PSD4: variants seen among roughly 807,000 people sequenced by gnomAD.
The protein encoded by PSD4 is pleckstrin and Sec7 domain containing 4.
PSD4 carries 59 observed loss-of-function variants against 112.5 expected under a neutral mutation model. The observed-to-expected ratio is 0.52, with a 90% confidence interval of 0.43 to 0.65. The LOEUF (loss-of-function observed/expected upper bound fraction) is 0.65. Ranked by LOEUF, PSD4 falls within the 30% of genes least tolerant of loss-of-function variation. The pLI, the probability that PSD4 is intolerant of heterozygous loss-of-function variation, is 0.00. For missense variants in PSD4, 1,267 were observed against 1,352.6 expected (o/e 0.94, Z 0.99); for synonymous variants, 533 against 540.0 (o/e 0.99, Z 0.18).
chr2:113,185,050 G>T lies in PSD4; in HGVS notation c.1150G>T (p.Ala384Ser). 1.2e-6 allele frequency: 2 copies of T among 1,614,242 alleles called. No individual in the cohort carries two copies. The highest frequency in any genetic ancestry group is 1.7e-6 in the Non-Finnish European group (2 of 1,180,036). Residue 384 changes from alanine to serine, a missense_variant, in exon 3 of 17, where the codon GCT (alanine) becomes TCT (serine). Ala to Ser is a moderately conservative substitution (Grantham distance 99). Transcript: ENST00000245796. ...ATGTGTCGGATCTGATCTTGGCCCT[G>T]CTGCACATCCTGTGCAACCTTGGGC... Reference protein sequence around the residue: ...SGCVGSDLGPAAHPVQPWASL... With the variant: ...SGCVGSDLGPSAHPVQPWASL...
chr2:113,186,389 T>G, intron 5 of PSD4, 134 bp downstream of exon 5: 1 of 995,770 alleles, frequency 1.0e-6, no homozygotes, highest in African/African-American at 1.6e-5. Context: ...ATTATATGAG[T>G]GGGTACCAGG....
intron 9 of PSD4, 25 bp downstream of exon 9, chr2:113,193,675 T>C: frequency 6.2e-7 from 1 of 1,606,962 alleles, no homozygotes; most frequent in Non-Finnish European, 8.5e-7. Flanking sequence ...AGAGTCCCTG[T>C]GGGAACTGAG....
chr2:113,196,396 A>AT (rs71385890), intron 12 of PSD4, 89 bp downstream of exon 12: 702,616 of 1,475,182 alleles, frequency 0.48, 171,958 homozygotes, highest in East Asian at 0.64. Flanking sequence ...GTGTGCAGAG[A>AT]GACAGCCCGC....
chr2:113,175,458 A>C (rs1573343900), intron 1 of PSD4: 1 of 151,594 alleles, frequency 6.6e-6, no homozygotes, highest in Non-Finnish European at 1.5e-5. Context: ...GGTGCTTCAG[A>C]CCCCAGGTTC....
intron 11 of PSD4, 105 bp from the exon 12 acceptor site, chr2:113,196,042 T>C: frequency 3.5e-6 from 5 of 1,410,464 alleles, no homozygotes; most frequent in Non-Finnish European, 4.9e-6. Flanking sequence ...TCCTGGGGTG[T>C]GGCTTCCCAG....
intron 11 of PSD4, 39 bp downstream of exon 11, chr2:113,195,809 C>A: frequency 6.2e-7 from 1 of 1,613,138 alleles, no homozygotes; most frequent in South Asian, 1.1e-5. Context: ...TCTCACCCCT[C>A]TCCCCTGTCT....
chr2:113,193,585 G>GGGGTAGAT lies in PSD4; in HGVS notation c.2033-6_2034dup, dbSNP rs767909154. 1 of 1,612,246 alleles carries GGGGTAGAT rather than the reference G, an allele frequency of 6.2e-7. No individual in the cohort carries two copies. Among genetic ancestry groups the GGGGTAGAT allele is most frequent in the South Asian group, 1.1e-5 (1 of 91,032 alleles). ...GCTTTCTCTCCACTTACCTATCTCT[G>GGGGTAGAT]GGGTAGATTCTGTACACACCTTGAC... On this transcript the variant is annotated splice_region_variant and splice_polypyrimidine_tract_variant and intron_variant, in intron 8 of 16. Transcript: ENST00000245796.
At chr2:113,177,688 C>T (rs113964779) in intron 1 of PSD4, among the ~76,000 whole-genome samples, 6,243 of 133,708 alleles carry the variant, frequency 0.047, 429 homozygotes, top group African/African-American at 0.17. Flanking sequence ...GCCCCCAGAC[C>T]TTGTGGGTCG....
At chr2:113,192,735 T>C in intron 6 of PSD4, 146 bp downstream of exon 6, 1 of 831,006 alleles carries the variant, frequency 1.2e-6, no homozygotes, top group South Asian at 1.8e-5. Context: ...CCCCATACCC[T>C]CACTGTATCT....
At position 113,183,502 on chromosome 2, in the gene PSD4, G is replaced by A. The variant is rs555721440; in HGVS notation, c.1046G>A (p.Gly349Glu). The A allele has an allele frequency of 5.7e-6, 9 of 1,574,072 alleles. No individual in the cohort carries two copies. In the African/African-American group the frequency reaches 6.8e-5, roughly 12 times the overall value. The change falls in exon 2 of 17, where the codon GGG (glycine) becomes GAG (glutamate). Residue 349 changes from glycine (G) to glutamate (E), a missense_variant. Physicochemically the swap from Gly to Glu is moderately conservative, Grantham distance 98. Transcript: ENST00000245796. ...GCTCCTGCAGCACCTCCTGGTCACGGGGAGAGTGAGGTAAGCCCAGTCTTG... is the reference window on the plus strand; with the variant it reads ...GCTCCTGCAGCACCTCCTGGTCACGAGGAGAGTGAGGTAAGCCCAGTCTTG... The part of the protein sequence containing the change: ...EGAPAAPPGH[G>E]ESEGDRLGPA...
intron 12 of PSD4, chr2:113,196,720 C>T (rs1004496285): frequency 3.7e-5 from 6 of 163,832 alleles, no homozygotes; most frequent in East Asian, 1.7e-4. Flanking sequence ...ATGGTATCTG[C>T]GCTGAACTTT....
chr2:113,181,166 T>G (rs1277427054), intron 1 of PSD4, among the ~76,000 whole-genome samples: 5 of 149,856 alleles, frequency 3.3e-5, no homozygotes, highest in Non-Finnish European at 7.4e-5. Context: ...AGGCAGAGGT[T>G]GCAGTGAGCC....
chr2:113,196,140 T>G lies in PSD4; in HGVS notation c.2226-7T>G. 2 of 1,602,476 alleles carry G rather than the reference T, an allele frequency of 1.2e-6. No homozygotes were observed. Among genetic ancestry groups the G allele is most frequent in the Non-Finnish European group, 1.7e-6 (2 of 1,170,430 alleles). On this transcript the variant is annotated splice_polypyrimidine_tract_variant and splice_region_variant and intron_variant, in intron 11 of 16. Transcript: ENST00000245796. ...CAGCACTTCCAGCCCGATTCTCTGA[T>G]GTTCAGGGATGAAGAAGACACAGCC...
chr2:113,182,789 G>A lies in PSD4; in HGVS notation c.333G>A (p.Val111=). 6.3e-7 allele frequency: 1 copy of A among 1,599,986 alleles called. No homozygotes were observed. The change falls in exon 2 of 17, where the codon GTG becomes GTA. Residue 111 remains valine (V), a synonymous_variant. Transcript: ENST00000245796. ...RQDAPPWGSG[V]ELTHLGSPSA... is the part of the protein sequence containing the mutation. ...ATGCTCCTCCCTGGGGCTCCGGTGT[G>A]GAGCTCACACACCTGGGGAGCCCCT...
intron 15 of PSD4, 67 bp downstream of exon 15, chr2:113,198,951 A>G: frequency 6.5e-7 from 1 of 1,533,724 alleles, no homozygotes; most frequent in Non-Finnish European, 8.7e-7. Flanking sequence ...CCCAGGACTA[A>G]CTCGGGGAGG....
At chr2:113,199,349 C>A (rs1688712070) in intron 16 of PSD4, 123 bp downstream of exon 16, 3 of 1,200,586 alleles carry the variant, frequency 2.5e-6, no homozygotes, top group Non-Finnish European at 3.2e-6. Context: ...CGCTTGCGTG[C>A]GGGCGGGGCC....
chr2:113,189,608 A>C (rs1227363596), intron 5 of PSD4, among the ~76,000 whole-genome samples: 1 of 152,130 alleles, frequency 6.6e-6, no homozygotes, highest in East Asian at 1.9e-4. Context: ...TTCCATAGTG[A>C]TTGTATGAGT....
intron 14 of PSD4, chr2:113,198,221 A>C: frequency 5.7e-6 from 2 of 350,412 alleles, no homozygotes; most frequent in Non-Finnish European, 1.0e-5. Context: ...GATTGACCAT[A>C]TCTGGCATTT....
chr2:113,196,921 C>T (rs1688629711), intron 12 of PSD4, among the ~76,000 whole-genome samples: 1 of 152,262 alleles, frequency 6.6e-6, no homozygotes, highest in South Asian at 2.1e-4. Context: ...CCAACATGTC[C>T]AGAGTGGTGA....
Sources: allele counts gnomAD v4.1 joint callset (sites outside exome capture counted in the v4.1 genomes callset), GRCh38; gene constraint gnomAD v4.1.1; transcripts MANE v1.5; gene names NCBI Gene and HGNC (gene_info 2026-07-23, HGNC 2026-07-21).